Variants in PEBP4 observed in about 807,000 individuals in gnomAD.
PEBP4 encodes the protein phosphatidylethanolamine binding protein 4.
Under a neutral mutation model 23.9 loss-of-function variants are expected in PEBP4, and 22 were observed. The ratio of observed to expected loss-of-function variants is 0.92; its 90% CI spans 0.66 to 1.31. The LOEUF (loss-of-function observed/expected upper bound fraction) is 1.31. Among genes scored for constraint, PEBP4 ranks in the 40% most tolerant of loss-of-function variants. The probability of loss-of-function intolerance (pLI) is 0.00; values close to 1 mark genes in which losing one functional copy is unlikely to be tolerated. For missense variants in PEBP4, 324 were observed against 281.7 expected, an observed-to-expected ratio of 1.15 and a Z score of -1.07; for synonymous variants, 112 against 99.3, an observed-to-expected ratio of 1.13 and a Z score of -0.76.
intron 3 of PEBP4, among the ~76,000 whole-genome samples, chr8:22,832,133 C>T (rs1386394442): frequency 6.6e-6 from 1 of 152,100 alleles, no homozygotes; most frequent in Non-Finnish European, 1.5e-5. Flanking sequence ...AGTGGTCATT[C>T]CTGGAGGCAG....
chr8:22,910,160 C>A (rs769746360), intron 3 of PEBP4, among the ~76,000 whole-genome samples: 1 of 152,188 alleles, frequency 6.6e-6, no homozygotes, highest in Admixed American at 6.5e-5. Context: ...TTTCTCATCA[C>A]GGACAGGGAT....
At chr8:22,765,788 A>G (rs962910398) in intron 4 of PEBP4, among the ~76,000 whole-genome samples, 9 of 152,000 alleles carry the variant, frequency 5.9e-5, no homozygotes, top group Non-Finnish European at 1.0e-4. Flanking sequence ...TTCATGGATC[A>G]CCACCTGTGG....
chr8:22,724,210 C>G (rs1048170585), intron 6 of PEBP4, among the ~76,000 whole-genome samples: 1 of 152,208 alleles, frequency 6.6e-6, no homozygotes, highest in Non-Finnish European at 1.5e-5. Flanking sequence ...TGGCATGCTG[C>G]AGTGGCCAAG....
chr8:22,923,937 GA>G (rs1809268136), intron 2 of PEBP4, among the ~76,000 whole-genome samples: 1 of 152,202 alleles, frequency 6.6e-6, no homozygotes. Flanking sequence ...CTGCTGTTTA[GA>G]AATGACCTAG....
At chr8:22,898,402 A>AC (rs1808636951) in intron 3 of PEBP4, among the ~76,000 whole-genome samples, 1 of 115,666 alleles carries the variant, frequency 8.6e-6, no homozygotes, top group African/African-American at 3.3e-5. Flanking sequence ...AAAAAAAAAA[A>AC]AAAAAAAAAA....
Position 22,771,726 on chromosome 8 carries a change from C to T in PEBP4, c.358-44506G>A, listed in dbSNP as rs1039792149. ...GCTTTCCATAAGACATGCCCACCAG[C>T]ATGCTATGTCAGTTTACCATTGCCA... On this transcript the variant is annotated intron_variant, in intron 4 of 6. Coordinates refer to ENST00000256404, the MANE Select transcript of PEBP4 (RefSeq NM_144962.3). Among the ~76,000 whole-genome samples, 4 of 152,182 alleles carry T rather than the reference C, an allele frequency of 2.6e-5. No homozygotes were observed. In the East Asian group the frequency reaches 5.8e-4, roughly 22 times the overall value.
intron 4 of PEBP4, among the ~76,000 whole-genome samples, chr8:22,738,106 C>T (rs1236923620): frequency 2.0e-5 from 3 of 152,200 alleles, no homozygotes; most frequent in Non-Finnish European, 4.4e-5. Flanking sequence ...GTTGGGCCTG[C>T]CCCGCTGGGC....
intron 4 of PEBP4, among the ~76,000 whole-genome samples, chr8:22,754,629 G>A (rs1258065476): frequency 6.6e-6 from 1 of 152,188 alleles, no homozygotes; most frequent in Non-Finnish European, 1.5e-5. Context: ...ACCCTGACTT[G>A]GCTTCATGGC....
At chr8:22,766,911 G>T (rs1260435438) in intron 4 of PEBP4, among the ~76,000 whole-genome samples, 2 of 152,190 alleles carry the variant, frequency 1.3e-5, no homozygotes, top group African/African-American at 4.8e-5. Flanking sequence ...ACAGCCATGT[G>T]GCCTTAGGTG....
intron 4 of PEBP4, among the ~76,000 whole-genome samples, chr8:22,764,809 C>T (rs1283069123): frequency 6.6e-6 from 1 of 151,888 alleles, no homozygotes; most frequent in African/African-American, 2.4e-5. Context: ...CACTCCTGTC[C>T]CCAAATGGCA....
intron 3 of PEBP4, among the ~76,000 whole-genome samples, chr8:22,828,020 G>A (rs944933329): frequency 1.3e-5 from 2 of 152,010 alleles, no homozygotes; most frequent in African/African-American, 4.8e-5. Flanking sequence ...TTATATCTTT[G>A]GTGAAATGTC....
chr8:22,790,884 T>C (rs1300160832), intron 4 of PEBP4, among the ~76,000 whole-genome samples: 1 of 152,226 alleles, frequency 6.6e-6, no homozygotes, highest in Non-Finnish European at 1.5e-5. Flanking sequence ...AAACTGTTTA[T>C]ATTACCCTTA....
At chr8:22,863,625 T>C (rs1345340694) in intron 3 of PEBP4, among the ~76,000 whole-genome samples, 4 of 152,196 alleles carry the variant, frequency 2.6e-5, no homozygotes, top group Admixed American at 2.0e-4. Context: ...CCCTTCTCAC[T>C]GCTCTGATCT....
chr8:22,743,994 G>T (rs1455672131), intron 4 of PEBP4, among the ~76,000 whole-genome samples: 1 of 152,222 alleles, frequency 6.6e-6, no homozygotes, highest in Non-Finnish European at 1.5e-5. Context: ...CACAGCCTGG[G>T]GGTTGTGGCT....
chr8:22,770,072 C>T (rs898941592), intron 4 of PEBP4, among the ~76,000 whole-genome samples: 1 of 152,218 alleles, frequency 6.6e-6, no homozygotes, highest in Non-Finnish European at 1.5e-5. Context: ...CAGTTTCCTA[C>T]ACGTCAAATC....
intron 4 of PEBP4, among the ~76,000 whole-genome samples, chr8:22,787,117 C>T (rs1806045898): frequency 6.6e-6 from 1 of 152,230 alleles, no homozygotes; most frequent in Admixed American, 6.5e-5. Flanking sequence ...AGCCACTGTG[C>T]CCAGCTAAGG....
intron 4 of PEBP4, among the ~76,000 whole-genome samples, chr8:22,795,751 A>C (rs1187532034): frequency 2.0e-5 from 3 of 152,236 alleles, no homozygotes. Context: ...TTTACATTCT[A>C]CATGAAAGAT....
chr8:22,880,363 C>T (rs1251970929), intron 3 of PEBP4: 2 of 152,132 alleles, frequency 1.3e-5, no homozygotes, highest in African/African-American at 2.4e-5. Flanking sequence ...TCAAAGGGCT[C>T]TATAAATGTG....
At chr8:22,870,613 G>T (rs143170887) in intron 3 of PEBP4, among the ~76,000 whole-genome samples, 4 of 152,318 alleles carry the variant, frequency 2.6e-5, no homozygotes, top group African/African-American at 7.2e-5. Flanking sequence ...GTCAATGTAG[G>T]TTCCTCAAAT....
Sources: allele counts gnomAD v4.1 joint callset (sites outside exome capture counted in the v4.1 genomes callset), GRCh38; gene constraint gnomAD v4.1.1; transcripts MANE v1.5; gene names NCBI Gene and HGNC (gene_info 2026-07-23, HGNC 2026-07-21).